Variants in RPS6KA2 observed in about 807,000 individuals in gnomAD.
The protein encoded by RPS6KA2 is ribosomal protein S6 kinase A2.
RPS6KA2 carries 42 observed loss-of-function variants against 91.8 expected under a neutral mutation model. The observed-to-expected ratio is 0.46, with a 90% CI of 0.36 to 0.59. The LOEUF (loss-of-function observed/expected upper bound fraction) is 0.59. Among genes scored for constraint, RPS6KA2 ranks in the 20% least tolerant of loss-of-function variants. RPS6KA2 has a pLI of 0.00. For synonymous variants in RPS6KA2, 414 were observed against 393.6 expected, an observed-to-expected ratio of 1.05 and a Z score of -0.61; for missense variants, 798 against 978.5, an observed-to-expected ratio of 0.82 and a Z score of 2.46.
At chr6:166,717,943 G>A (rs1252724005) in intron 2 of RPS6KA2, among the ~76,000 whole-genome samples, 1 of 151,508 alleles carries the variant, frequency 6.6e-6, no homozygotes. Context: ...TCCACCTCCT[G>A]GTTCAGGCGA....
chr6:166,647,162 AT>A lies in RPS6KA2; in HGVS notation c.124-108379del, dbSNP rs112630610. 8.5e-4 allele frequency among the ~76,000 whole-genome samples: 127 copies of A among 149,730 alleles called. No individual in the cohort carries two copies. The South Asian group carries it at 9.7e-3, about 11-fold the overall frequency. On this transcript the variant is annotated intron_variant, in intron 2 of 21. Transcript: ENST00000503859. ...ATCTTTTTTGCCCCAGTGTTCTCCT[AT>A]TTTTTTTTTAACTCTAAACCACTCA... is the stretch of plus-strand genomic sequence containing the variant.
chr6:166,633,465 G>A (rs1408436060), intron 2 of RPS6KA2, among the ~76,000 whole-genome samples: 1 of 152,252 alleles, frequency 6.6e-6, no homozygotes, highest in Non-Finnish European at 1.5e-5. Context: ...AACCAAGTCT[G>A]CAGCCAAACC....
chr6:166,555,431 G>C (rs1490466074), intron 1 of RPS6KA2, among the ~76,000 whole-genome samples: 1 of 152,200 alleles, frequency 6.6e-6, no homozygotes, highest in Non-Finnish European at 1.5e-5. Context: ...CCCCCACAGA[G>C]GAATGGCATT....
rs1257642050 is a variant in RPS6KA2, at chr6:166,648,057, C to G, written c.124-109273G>C. On this transcript the variant is annotated intron_variant, in intron 2 of 21. Coordinates refer to the RPS6KA2 transcript ENST00000503859. This position sits in a 1 kb window ranked among gnomAD's most constrained non-coding sequence, Gnocchi z 4.8. ...ACATGCTCTCACACACATGCACATG[C>G]TCACACACATGCACACGCACATGGT... 6.6e-6 allele frequency among the ~76,000 whole-genome samples: 1 copy of G among 151,556 alleles called. No homozygotes were observed. The highest frequency in any genetic ancestry group is 1.5e-5 in the Non-Finnish European group (1 of 67,916).
chr6:166,484,122 T>C (rs1781328784), intron 10 of RPS6KA2, among the ~76,000 whole-genome samples: 1 of 152,192 alleles, frequency 6.6e-6, no homozygotes, highest in Admixed American at 6.5e-5. Context: ...GGAAAATGGA[T>C]AGAGATGAAG....
At chr6:166,836,740 T>G (rs962145138) in intron 2 of RPS6KA2, among the ~76,000 whole-genome samples, 5 of 152,224 alleles carry the variant, frequency 3.3e-5, no homozygotes, top group African/African-American at 1.2e-4. Flanking sequence ...GAGGACAGGT[T>G]GGCTTTTGTT....
intron 2 of RPS6KA2, among the ~76,000 whole-genome samples, chr6:166,534,698 G>A (rs868363889): frequency 3.3e-5 from 5 of 152,190 alleles, no homozygotes; most frequent in African/African-American, 7.2e-5. Context: ...ACTGATGGTC[G>A]TGGCTAATGT....
At chr6:166,671,713 G>T (rs1371772298) in intron 2 of RPS6KA2, among the ~76,000 whole-genome samples, 1 of 152,130 alleles carries the variant, frequency 6.6e-6, no homozygotes, top group African/African-American at 2.4e-5. Context: ...CAAAGTCAGG[G>T]TGCAGATATC....
intron 2 of RPS6KA2, among the ~76,000 whole-genome samples, chr6:166,698,876 G>A (rs760606767): frequency 1.3e-5 from 2 of 152,224 alleles, no homozygotes; most frequent in African/African-American, 2.4e-5. Flanking sequence ...TCAATTAGAA[G>A]TGATTAAGTT....
chr6:166,655,049 C>A (rs1392889232), intron 2 of RPS6KA2, among the ~76,000 whole-genome samples: 1 of 152,186 alleles, frequency 6.6e-6, no homozygotes, highest in Admixed American at 6.5e-5. Flanking sequence ...CAGAATCCCT[C>A]TAGACACTGA....
chr6:166,646,779 G>A (rs1476003384), intron 2 of RPS6KA2, among the ~76,000 whole-genome samples: 2 of 152,184 alleles, frequency 1.3e-5, no homozygotes, highest in African/African-American at 4.8e-5. Context: ...CACCCCTTTT[G>A]AATCTCCTTT....
upstream of RPS6KA2, among the ~76,000 whole-genome samples, chr6:166,630,269 A>AC (rs755814305): frequency 6.6e-6 from 1 of 152,216 alleles, no homozygotes; most frequent in African/African-American, 2.4e-5. Flanking sequence ...TTCTCGGGGC[A>AC]CCCCACAGGA....
At chr6:166,681,949 C>T (rs1014723718) in intron 2 of RPS6KA2, among the ~76,000 whole-genome samples, 2 of 152,102 alleles carry the variant, frequency 1.3e-5, no homozygotes, top group South Asian at 2.1e-4. Flanking sequence ...ACTGTTCTCC[C>T]GCAGAGATGA....
chr6:166,816,349 C>G (rs531310918), intron 2 of RPS6KA2, among the ~76,000 whole-genome samples: 1 of 143,128 alleles, frequency 7.0e-6, no homozygotes, highest in African/African-American at 2.6e-5. Context: ...AATTCAAGAC[C>G]AGCCTGGTCA....
At chr6:166,692,081 A>T (rs1789223026) in intron 2 of RPS6KA2, among the ~76,000 whole-genome samples, 1 of 152,184 alleles carries the variant, frequency 6.6e-6, no homozygotes, top group African/African-American at 2.4e-5. Context: ...ACAAGCGTGC[A>T]TTAAAATTAA....
In RPS6KA2 at chr6:166,710,509, TG is replaced by T. The variant is rs749442983; in HGVS notation, c.123+147690del. 7.4e-3 allele frequency among the ~76,000 whole-genome samples: 1,025 copies of T among 138,810 alleles called. 5 individuals are homozygous for T. Among genetic ancestry groups the T allele is most frequent in the Non-Finnish European group, 8.6e-3 (539 of 62,862 alleles). 91.1% of individuals were successfully genotyped at this position (138,810 alleles called of 152,430 possible). A position where few individuals can be genotyped will look rare whatever the true frequency, so the allele number is the denominator to read the frequency against. On this transcript the variant is annotated intron_variant, in intron 2 of 21. Transcript: ENST00000503859. ...GAGTGTGTGTGTGTGTGTGTGTGTG[TG>T]GTGTGTGTGTGTTATGTGTGGTGTG...
chr6:166,811,910 C>A (rs77265512), intron 2 of RPS6KA2, among the ~76,000 whole-genome samples: 3,525 of 152,280 alleles, frequency 0.023, 147 homozygotes, highest in African/African-American at 0.081. Context: ...TCCAGTGACT[C>A]CAGAGCCATC....
chr6:166,783,844 C>CACA (rs1562437322), intron 2 of RPS6KA2, among the ~76,000 whole-genome samples: 1 of 64,020 alleles, frequency 1.6e-5, no homozygotes, highest in African/African-American at 4.6e-5. Context: ...GCACACCTAT[C>CACA]TATACCACAT....
At position 166,862,384 on chromosome 6, in the gene RPS6KA2, G is replaced by A. The variant is rs1781068393; in HGVS notation, c.-214C>T. Reference sequence around the variant, plus strand: ...GGCCGGAGGAGGGACCCGGGGGGCTGCAATATGGCTGCTCGGGCGCCGTCC... The same window carrying A: ...GGCCGGAGGAGGGACCCGGGGGGCTACAATATGGCTGCTCGGGCGCCGTCC... On this transcript the variant is annotated 5_prime_UTR_variant, in exon 1 of 22. Coordinates refer to the RPS6KA2 transcript ENST00000503859. 4.9e-5 allele frequency: 68 copies of A among 1,393,612 alleles called. 2 individuals carry two copies. The South Asian group carries it at 5.7e-4, about 12-fold the overall frequency. 86.3% of individuals were successfully genotyped at this position (1,393,612 alleles called of 1,614,324 possible). A position where few individuals can be genotyped will look rare whatever the true frequency, so the allele number is the denominator to read the frequency against.
Sources: gnomAD v4.1 joint callset for allele counts (sites outside exome capture counted in the v4.1 genomes callset) on GRCh38, gnomAD v4.1.1 for gene constraint, Gnocchi (gnomAD v3.1) non-coding constraint, MANE v1.5 for transcripts, NCBI Gene and HGNC (gene_info 2026-07-23, HGNC 2026-07-21) for gene names.